Variants in DENND6B observed in about 807,000 individuals in gnomAD.
DENND6B encodes protein DENND6B.
Under a neutral mutation model 85.1 loss-of-function variants are expected in DENND6B, and 73 were observed. The observed-to-expected ratio is 0.86, with a 90% CI of 0.71 to 1.04. DENND6B has a LOEUF of 1.04. Among genes scored for constraint, DENND6B ranks in the 50% least tolerant of loss-of-function variants. The pLI, the probability that DENND6B is intolerant of heterozygous loss-of-function variation, is 0.00. For synonymous variants in DENND6B, 357 were observed against 329.3 expected, an observed-to-expected ratio of 1.08 and a Z score of -0.91; for missense variants, 715 against 785.8, an observed-to-expected ratio of 0.91 and a Z score of 1.08.
chr22:50,313,555 C>T, intron 15 of DENND6B, 56 bp from the exon 16 acceptor site: 2 of 1,308,712 alleles, frequency 1.5e-6, no homozygotes, highest in Non-Finnish European at 2.0e-6. Flanking sequence ...CAGCCCCATC[C>T]CCCGCAGCCC....
chr22:50,314,595 C>T lies in DENND6B; in HGVS notation c.977+10G>A, dbSNP rs759253877. The T allele has an allele frequency of 5.8e-6, 9 of 1,558,546 alleles. No individual in the cohort carries two copies. The highest frequency in any genetic ancestry group is 3.3e-4 in the Middle Eastern group (2 of 6,000). On this transcript the variant is annotated intron_variant, in intron 11 of 19. Coordinates refer to ENST00000413817, the MANE Select transcript of DENND6B (RefSeq NM_001001794.4). ...GCAAGGGCAAGAGGCGGGGCAGAGG[C>T]GGCACTTACGGGGCCTGCGTGCGTG...
Position 50,326,874 on chromosome 22 carries a change from A to G in DENND6B, c.115T>C (p.Ser39Pro). The G allele has an allele frequency of 7.0e-7, 1 of 1,422,766 alleles. No individual in the cohort carries two copies. The highest frequency in any genetic ancestry group is 9.2e-7 in the Non-Finnish European group (1 of 1,089,230). The allele number at this position is 1,422,766 out of a possible 1,614,324, so 88.1% of individuals were successfully genotyped here. Residue 39 changes from serine (S) to proline (P), a missense_variant, in exon 1 of 20, where the codon TCC (serine) becomes CCC (proline). Coordinates refer to ENST00000413817, the MANE Select transcript of DENND6B (RefSeq NM_001001794.4). The part of the protein sequence containing the change: ...RTPAAPWARF[S>P]AWLECVCVVT... ...ACGCACACACACTCCAGCCAGGCGG[A>G]GAAGCGCGCCCAGGGCGCCGCCGGG...
chr22:50,320,970 G>A (rs529089547), intron 1 of DENND6B, among the ~76,000 whole-genome samples: 2 of 152,318 alleles, frequency 1.3e-5, no homozygotes, highest in East Asian at 3.9e-4. Context: ...GGCCACCCAG[G>A]GTTGGCCACG....
At chr22:50,319,063 A>C (rs1569205444) in intron 1 of DENND6B, 60 bp from the exon 2 acceptor site, 1 of 1,554,260 alleles carries the variant, frequency 6.4e-7, no homozygotes, top group South Asian at 1.2e-5. Flanking sequence ...ACACCCCTCG[A>C]CAGCATCTGC....
intron 4 of DENND6B, 32 bp from the exon 5 acceptor site, chr22:50,317,405 CCCACCCGGA>C (rs745577742): frequency 6.2e-7 from 1 of 1,610,958 alleles, no homozygotes; most frequent in South Asian, 1.1e-5. Context: ...CCAGCCACGC[CCCACCCGGA>C]CCACCTGGCC....
intron 9 of DENND6B, 43 bp downstream of exon 9, chr22:50,315,671 G>C (rs1013019609): frequency 6.4e-7 from 1 of 1,550,648 alleles, no homozygotes; most frequent in Non-Finnish European, 8.7e-7. Context: ...TGCACACACA[G>C]TGAGCTCCTC....
rs1278133543 is a variant in DENND6B, at chr22:50,310,563, G to C, written c.*1576C>G. 6.6e-6 allele frequency: 1 copy of C among 152,242 alleles called. No homozygotes were observed. 9.4% of individuals were successfully genotyped at this position (152,242 alleles called of 1,614,324 possible). On this transcript the variant is annotated 3_prime_UTR_variant, in exon 20 of 20. Transcript: ENST00000413817. ...GCTCGCTCTCCACCACCTGGCTGGA[G>C]GTCTGAGAGCACCAATGAGAACACA...
intron 14 of DENND6B, 44 bp from the exon 15 acceptor site, chr22:50,313,768 C>T (rs1157235476): frequency 1.2e-6 from 2 of 1,609,178 alleles, no homozygotes; most frequent in African/African-American, 1.3e-5. Flanking sequence ...CTTCACACCA[C>T]ACCAGGCTCC....
At position 50,322,170 on chromosome 22, in the gene DENND6B, G is replaced by T. The variant is rs1320159859; in HGVS notation, c.178-3167C>A. Among the ~76,000 whole-genome samples the T allele has an allele frequency of 4.0e-5, 6 of 151,388 alleles. No homozygotes were observed. The East Asian group carries it at 1.2e-3, about 30-fold the overall frequency. ...GCTCACTGCAAGCTCCGCCTCCCGG[G>T]TTCACGACATTCTCCTGCCTCAGCC... On this transcript the variant is annotated intron_variant, in intron 1 of 19. Coordinates refer to ENST00000413817, the MANE Select transcript of DENND6B (RefSeq NM_001001794.4).
intron 17 of DENND6B, 91 bp from the exon 18 acceptor site, chr22:50,312,716 G>C: frequency 1.7e-6 from 1 of 574,610 alleles, no homozygotes; most frequent in Non-Finnish European, 3.1e-6. Context: ...TTGACAGGCG[G>C]GGGGCCATGG....
rs1391570943 is a variant in DENND6B at position 50,312,303 on chromosome 22, C to T, written c.1635+40G>A. On this transcript the variant is annotated intron_variant, in intron 19 of 19. Coordinates refer to ENST00000413817, the MANE Select transcript of DENND6B (RefSeq NM_001001794.4). ...GGTCAGGGCAGGCGCAGCTCCGTGCCAGGCTGGTGGCGCTGGGACAAGGCT... is the reference window on the plus strand; with the variant it reads ...GGTCAGGGCAGGCGCAGCTCCGTGCTAGGCTGGTGGCGCTGGGACAAGGCT... 2.5e-6 allele frequency: 4 copies of T among 1,611,284 alleles called. No homozygotes were observed. The Admixed American group carries it at 5.0e-5, about 20-fold the overall frequency.
chr22:50,320,372 C>A (rs935175422), intron 1 of DENND6B, among the ~76,000 whole-genome samples: 4 of 152,262 alleles, frequency 2.6e-5, no homozygotes, highest in Admixed American at 1.3e-4. Context: ...GCGTGAGCCA[C>A]GCCCAGCTTG....
At chr22:50,312,295 C>A in intron 19 of DENND6B, 34 bp from the exon 20 acceptor site, 1 of 1,611,368 alleles carries the variant, frequency 6.2e-7, no homozygotes, top group Non-Finnish European at 8.5e-7. Flanking sequence ...GCAGGCGCAG[C>A]TCCGTGCCAG....
intron 3 of DENND6B, among the ~76,000 whole-genome samples, 192 bp from the exon 4 acceptor site, chr22:50,318,212 A>G (rs2041918851): frequency 6.6e-6 from 1 of 152,190 alleles, no homozygotes; most frequent in Non-Finnish European, 1.5e-5. Context: ...GCATGGTGGC[A>G]CACACCTGCA....
rs2068066128 is a variant in DENND6B at position 50,311,896 on chromosome 22, A to G, written c.*243T>C. ...CCCCGTCCCAGCCTAAGGTCTGCAGAGGCCAGGTGGGACCCAGGAGGAGGC... is the reference window on the plus strand; with the variant it reads ...CCCCGTCCCAGCCTAAGGTCTGCAGGGGCCAGGTGGGACCCAGGAGGAGGC... On this transcript the variant is annotated 3_prime_UTR_variant, in exon 20 of 20. Coordinates refer to ENST00000413817, the MANE Select transcript of DENND6B (RefSeq NM_001001794.4). 2 of 621,416 alleles carry G rather than the reference A, an allele frequency of 3.2e-6. No individual in the cohort carries two copies. The highest frequency in any genetic ancestry group is 5.4e-6 in the Non-Finnish European group (2 of 373,810). 38.5% of individuals were successfully genotyped at this position (621,416 alleles called of 1,614,324 possible).
intron 1 of DENND6B, among the ~76,000 whole-genome samples, chr22:50,324,685 A>G (rs140857239): frequency 0.01 from 1,587 of 152,278 alleles, 15 homozygotes; most frequent in Admixed American, 0.019. Context: ...CGGCCTCCCA[A>G]AGTGCTAGGA....
chr22:50,314,332 C>T lies in DENND6B; in HGVS notation c.1073-60G>A. On this transcript the variant is annotated intron_variant, in intron 12 of 19. Transcript: ENST00000413817. Reference sequence around the variant, plus strand: ...CCGCAGCTCTGGCCATCCCCACGGGCTCTGAGGCGGCCCCACACTCAACGA... The same window carrying T: ...CCGCAGCTCTGGCCATCCCCACGGGTTCTGAGGCGGCCCCACACTCAACGA... 5.0e-6 allele frequency: 8 copies of T among 1,588,230 alleles called. No homozygotes were observed. The Admixed American group carries it at 1.1e-4, about 21-fold the overall frequency.
In DENND6B at chr22:50,309,524, C is replaced by G. The variant is rs1190215081; in HGVS notation, c.*2615G>C. On this transcript the variant is annotated 3_prime_UTR_variant, in exon 20 of 20. Transcript: ENST00000413817. ...GCAGGTCTCCACGCCCAGCCCCCAC[C>G]CATCCACCCCAGGCCACATTCCACC... 1 of 152,464 alleles carries G rather than the reference C, an allele frequency of 6.6e-6. No homozygotes were observed. The highest frequency in any genetic ancestry group is 1.5e-5 in the Non-Finnish European group (1 of 68,236). 9.4% of individuals were successfully genotyped at this position (152,464 alleles called of 1,614,324 possible).
At chr22:50,317,480 TG>T in intron 4 of DENND6B, 107 bp from the exon 5 acceptor site, 1 of 1,293,990 alleles carries the variant, frequency 7.7e-7, no homozygotes, top group Non-Finnish European at 1.1e-6. Context: ...GATGGAAGGC[TG>T]GAGAACCAGG....
Sources: gnomAD v4.1 joint callset for allele counts (sites outside exome capture counted in the v4.1 genomes callset) on GRCh38, gnomAD v4.1.1 for gene constraint, MANE v1.5 for transcripts, NCBI Gene and HGNC (gene_info 2026-07-23, HGNC 2026-07-21) for gene names.